Variants in CRACD observed in about 807,000 individuals in gnomAD.
CRACD encodes capping protein inhibiting regulator of actin dynamics, also known as capping protein-inhibiting regulator of actin dynamics.
Under a neutral mutation model 106.8 loss-of-function variants are expected in CRACD, and 56 were observed. That is an observed-to-expected ratio of 0.52 (90% confidence interval 0.42 to 0.66). CRACD has a LOEUF of 0.66. Ranked by LOEUF, CRACD falls within the 30% of genes least tolerant of loss-of-function variation. The probability of loss-of-function intolerance (pLI) is 0.00; values close to 1 mark genes in which losing one functional copy is unlikely to be tolerated. For synonymous variants in CRACD, 754 were observed against 670.8 expected (o/e 1.12, Z -1.92); for missense variants, 1,730 against 1,623.2 (o/e 1.07, Z -1.13).
rs761624560 is a variant in CRACD, at chr4:56,068,826, A to G, written c.-336+19527A>G. On this transcript the variant is annotated intron_variant, in intron 1 of 10. Transcript: ENST00000682029. The stretch of plus-strand genomic sequence containing the variant: ...GTTTAAGTGCTGTGGTGGGCTGAAG[A>G]GTGACCCTCGCCCCCTCCCCGAGAC... Among the ~76,000 whole-genome samples the G allele has an allele frequency of 4.6e-5, 7 of 152,230 alleles. 1 individual carries two copies. The East Asian group carries it at 1.4e-3, about 29-fold the overall frequency.
intron 4 of CRACD, among the ~76,000 whole-genome samples, chr4:56,302,779 C>G (rs1024937164): frequency 6.6e-6 from 1 of 152,142 alleles, no homozygotes; most frequent in African/African-American, 2.4e-5. Flanking sequence ...AAAATCTAGA[C>G]ACTGGCAGAG....
chr4:56,272,506 C>T lies in CRACD; in HGVS notation c.-17+14C>T, dbSNP rs1742415638. ...AGACAATCTAAGGTAATAACTTGCACTTTCCTTTCAGATCTTTGGTGGAGT... is the reference window on the plus strand; with the variant it reads ...AGACAATCTAAGGTAATAACTTGCATTTTCCTTTCAGATCTTTGGTGGAGT... On this transcript the variant is annotated intron_variant, in intron 3 of 10. Transcript: ENST00000682029. 1.3e-5 allele frequency: 2 copies of T among 152,594 alleles called. No individual in the cohort carries two copies. The highest frequency in any genetic ancestry group is 4.8e-5 in the African/African-American group (2 of 41,428). The allele number at this position is 152,594 out of a possible 1,614,324, so 9.5% of individuals were successfully genotyped here.
At position 56,158,792 on chromosome 4, in the gene CRACD, A is replaced by G. The variant is rs1317741025; in HGVS notation, c.-335-20492A>G. 2.6e-5 allele frequency among the ~76,000 whole-genome samples: 4 copies of G among 152,246 alleles called. No homozygotes were observed. In the East Asian group the frequency reaches 7.7e-4, roughly 29 times the overall value. ...GATCCTGGCTGAATTCTGAATTTGC[A>G]TATTGATGAAAGGTAGAGAACTATT... is the stretch of plus-strand genomic sequence containing the variant. On this transcript the variant is annotated intron_variant, in intron 1 of 10. Transcript: ENST00000682029.
chr4:56,278,346 T>C (rs1742795000), intron 3 of CRACD, among the ~76,000 whole-genome samples: 1 of 152,202 alleles, frequency 6.6e-6, no homozygotes. Context: ...AGTTCAGAAA[T>C]AAACTCTTAC....
At chr4:56,080,610 A>G (rs994593773) in intron 1 of CRACD, among the ~76,000 whole-genome samples, 7 of 152,228 alleles carry the variant, frequency 4.6e-5, no homozygotes, top group Admixed American at 6.5e-5. Context: ...TATAAACTGA[A>G]GAGTGGCTCC....
At chr4:56,186,708 C>T (rs1737107250) in intron 2 of CRACD, among the ~76,000 whole-genome samples, 1 of 152,166 alleles carries the variant, frequency 6.6e-6, no homozygotes, top group African/African-American at 2.4e-5. Flanking sequence ...TTCTCCTGCT[C>T]TTAACAGAGA....
At chr4:56,306,607 C>G (rs1744725306) in intron 4 of CRACD, among the ~76,000 whole-genome samples, 1 of 152,200 alleles carries the variant, frequency 6.6e-6, no homozygotes, top group Non-Finnish European at 1.5e-5. Context: ...ACCCAAGGAC[C>G]TAGGTCTAGA....
At chr4:56,176,533 A>G (rs1736591026) in intron 1 of CRACD, among the ~76,000 whole-genome samples, 1 of 149,984 alleles carries the variant, frequency 6.7e-6, no homozygotes, top group South Asian at 2.1e-4. Flanking sequence ...GGTTCACACC[A>G]TTCTCCCGCC....
intron 1 of CRACD, among the ~76,000 whole-genome samples, chr4:56,128,771 G>A (rs1238042707): frequency 1.3e-5 from 2 of 151,952 alleles, no homozygotes; most frequent in Admixed American, 6.6e-5. Flanking sequence ...TGAACCTCCC[G>A]CATAAAATGT....
chr4:56,290,837 G>A (rs747585452), intron 3 of CRACD, among the ~76,000 whole-genome samples: 4 of 152,152 alleles, frequency 2.6e-5, no homozygotes, highest in Non-Finnish European at 4.4e-5. Context: ...TCTGGCCTCT[G>A]TAAGTCGGGG....
intron 1 of CRACD, among the ~76,000 whole-genome samples, chr4:56,147,861 C>T (rs940817394): frequency 6.6e-6 from 1 of 152,168 alleles, no homozygotes; most frequent in Admixed American, 6.5e-5. Context: ...CCCCAAAATT[C>T]ATATGATAAA....
At chr4:56,152,606 A>C (rs765384402) in intron 1 of CRACD, among the ~76,000 whole-genome samples, 1 of 152,050 alleles carries the variant, frequency 6.6e-6, no homozygotes, top group African/African-American at 2.4e-5. Context: ...CTGTCCAAAG[A>C]GAGGCTCTCT....
intron 1 of CRACD, among the ~76,000 whole-genome samples, chr4:56,077,052 T>C (rs933321680): frequency 1.3e-5 from 2 of 152,224 alleles, no homozygotes; most frequent in South Asian, 2.1e-4. Context: ...TGCACTGTGC[T>C]GTAGGCCCCT....
chr4:56,221,539 AAAAG>A (rs1403306834), intron 2 of CRACD, among the ~76,000 whole-genome samples: 2 of 152,248 alleles, frequency 1.3e-5, no homozygotes, highest in African/African-American at 4.8e-5. Context: ...TCTGCACAGC[AAAAG>A]AAATAATCAT....
chr4:56,191,397 C>T (rs1394391476), intron 2 of CRACD, among the ~76,000 whole-genome samples: 1 of 151,932 alleles, frequency 6.6e-6, no homozygotes, highest in Admixed American at 6.6e-5. Context: ...CCCTTCCTCC[C>T]TCCCTCCCTC....
At chr4:56,299,118 T>C (rs1744219091) in intron 4 of CRACD, among the ~76,000 whole-genome samples, 1 of 152,184 alleles carries the variant, frequency 6.6e-6, no homozygotes, top group Non-Finnish European at 1.5e-5. Context: ...TTCTGTTGTA[T>C]TTGTAAATCT....
chr4:56,286,525 C>CAAAAAAAAAAAAAAAACAA (rs1743356903), intron 3 of CRACD, among the ~76,000 whole-genome samples: 1 of 89,382 alleles, frequency 1.1e-5, no homozygotes, highest in Non-Finnish European at 2.2e-5. Context: ...GACTCCGTCT[C>CAAAAAAAAAAAAAAAACAA]AAAAAAAAAA....
chr4:56,324,911 G>C (rs1204101843), intron 10 of CRACD, among the ~76,000 whole-genome samples: 1 of 112,890 alleles, frequency 8.9e-6, no homozygotes, highest in Non-Finnish European at 2.1e-5. Context: ...AAATGTTTGA[G>C]GTCATGGATA....
chr4:56,259,241 G>C (rs962262675), intron 2 of CRACD, among the ~76,000 whole-genome samples: 5 of 152,144 alleles, frequency 3.3e-5, no homozygotes, highest in Non-Finnish European at 7.3e-5. Context: ...GGATGGTCAA[G>C]CTGGCACCAT....
Sources: allele counts gnomAD v4.1 joint callset (sites outside exome capture counted in the v4.1 genomes callset), GRCh38; gene constraint gnomAD v4.1.1; transcripts MANE v1.5; gene names NCBI Gene and HGNC (gene_info 2026-07-23, HGNC 2026-07-21).